RAG1: variants seen among roughly 807,000 people sequenced by gnomAD.
The protein encoded by RAG1 is recombination activating 1, also known as V(D)J recombination-activating protein 1.
A neutral mutation model predicts 62.7 loss-of-function variants in RAG1; 35 were observed. The observed-to-expected ratio is 0.56, with a 90% CI of 0.43 to 0.74. RAG1 has a LOEUF of 0.74. Among genes scored for constraint, RAG1 ranks in the 30% least tolerant of loss-of-function variants. The pLI is 0.00. For synonymous variants in RAG1, 461 were observed against 470.3 expected (o/e 0.98, Z 0.26); for missense variants, 1,169 against 1,278.6 (o/e 0.91, Z 1.31).
Position 36,575,945 on chromosome 11 carries a change from G to A in RAG1, c.2641G>A (p.Ala881Thr). Residue 881 changes from alanine to threonine, a missense_variant, in exon 2 of 2, where the codon GCT becomes ACT. By Grantham distance (58) the Ala-to-Thr change is moderately conservative. Around this residue, in one of 2 missense-constraint regions of RAG1, gnomAD observed 800 missense variants for 943.3 expected, o/e 0.85. Coordinates refer to ENST00000299440, the MANE Select transcript of RAG1 (RefSeq NM_000448.3). This position sits in a 1 kb window ranked among gnomAD's most constrained non-coding sequence, Gnocchi z 4.1. ...AATTCCTTCCGAGGAGAGGCACGAG[G>A]CTCTGAGGGAGCTGATGGATCTTTA... ...ELIPSEERHE[A>T]LRELMDLYLK... 3 of 1,614,158 alleles carry A rather than the reference G, an allele frequency of 1.9e-6. No individual in the cohort carries two copies. Among genetic ancestry groups the A allele is most frequent in the African/African-American group, 1.3e-5 (1 of 75,048 alleles).
At chr11:36,568,506 C>T (rs1850691333) in intron 1 of RAG1, among the ~76,000 whole-genome samples, 1 of 152,060 alleles carries the variant, frequency 6.6e-6, no homozygotes, top group African/African-American at 2.4e-5. Context: ...TGTATGGTTT[C>T]CCAGGTATTA....
At chr11:36,541,334 G>T (rs972239729) in intron 3 of RAG1, among the ~76,000 whole-genome samples, 1 of 152,160 alleles carries the variant, frequency 6.6e-6, no homozygotes, top group Admixed American at 6.5e-5. Flanking sequence ...ATATTCTTTG[G>T]TGCTTCACAA....
chr11:36,573,459 C>T lies in RAG1; in HGVS notation c.155C>T (p.Ser52Phe), dbSNP rs1486819488. The T allele has an allele frequency of 6.2e-7, 1 of 1,614,150 alleles. No individual in the cohort carries two copies. The highest frequency in any genetic ancestry group is 8.5e-7 in the Non-Finnish European group (1 of 1,180,020). The change falls in exon 2 of 2, where the codon TCC (serine) becomes TTC (phenylalanine). Residue 52 changes from serine to phenylalanine, a missense_variant. Around this residue, in one of 2 missense-constraint regions of RAG1, gnomAD observed 369 missense variants for 335.3 expected, o/e 1.10. Transcript: ENST00000299440. ...PEEAQKEKKD[S>F]FEGKPSLEQS... ...GAAGCTCAAAAGGAAAAGAAGGATT[C>T]CTTTGAGGGGAAACCCTCTCTGGAG...
chr11:36,533,360 C>T (rs1262734639), intron 2 of RAG1, among the ~76,000 whole-genome samples: 1 of 152,162 alleles, frequency 6.6e-6, no homozygotes, highest in Non-Finnish European at 1.5e-5. Context: ...TGTTGCCCAT[C>T]TGTAAGTAAT....
downstream of RAG1, among the ~76,000 whole-genome samples, chr11:36,540,135 A>T (rs1341276752): frequency 2.0e-5 from 3 of 152,168 alleles, no homozygotes. Flanking sequence ...TACCTAACTA[A>T]AACAGAGTCG....
chr11:36,530,545 G>A (rs1020296082), intron 2 of RAG1, among the ~76,000 whole-genome samples: 8 of 151,784 alleles, frequency 5.3e-5, no homozygotes, highest in African/African-American at 1.9e-4. Flanking sequence ...TCAGTCTAAT[G>A]TATTTTTAAA....
chr11:36,574,558 C>A lies in RAG1; in HGVS notation c.1254C>A (p.Val418=). The part of the protein sequence containing the change: ...KHRLRELKLQ[V]KAFADKEEGG... Reference sequence around the variant, plus strand: ...GGCTGAGGGAGCTCAAGCTGCAAGTCAAAGCCTTTGCTGACAAAGAAGAAG... The same window carrying A: ...GGCTGAGGGAGCTCAAGCTGCAAGTAAAAGCCTTTGCTGACAAAGAAGAAG... Residue 418 remains valine (V), a synonymous_variant, in exon 2 of 2, where the codon GTC becomes GTA. Coordinates refer to ENST00000299440, the MANE Select transcript of RAG1 (RefSeq NM_000448.3). 1.2e-6 allele frequency: 2 copies of A among 1,614,218 alleles called. No homozygotes were observed. Among genetic ancestry groups the A allele is most frequent in the Non-Finnish European group, 1.7e-6 (2 of 1,180,046 alleles).
Position 36,576,194 on chromosome 11 carries a change from A to T in RAG1, c.2890A>T (p.Asn964Tyr). 1 of 1,614,174 alleles carries T rather than the reference A, an allele frequency of 6.2e-7. No homozygotes were observed. Among genetic ancestry groups the T allele is most frequent in the Non-Finnish European group, 8.5e-7 (1 of 1,180,044 alleles). The change falls in exon 2 of 2, where the codon AAT becomes TAT. Residue 964 changes from asparagine to tyrosine, a missense_variant. Transcript: ENST00000299440. ...GSIGAWASEGNESGNKLFRRF... is the reference protein window; with the variant it reads ...GSIGAWASEGYESGNKLFRRF... ...CATTGGGGCATGGGCAAGTGAGGGAAATGAGTCTGGTAACAAACTGTTTAG... is the reference window on the plus strand; with the variant it reads ...CATTGGGGCATGGGCAAGTGAGGGATATGAGTCTGGTAACAAACTGTTTAG...
Position 36,574,029 on chromosome 11 carries a change from A to G in RAG1, c.725A>G (p.Gln242Arg), listed in dbSNP as rs76897604. ...AAAAAACTCAAAACTGTGCTTGACC[A>G]AGCAAGACAAGCCCGTCAGCACAAG... ...LSKKLKTVLD[Q>R]ARQARQHKRR... is the part of the protein sequence containing the mutation. Residue 242 changes from glutamine to arginine, a missense_variant, in exon 2 of 2, where the codon CAA (glutamine) becomes CGA (arginine). Around this residue, in one of 2 missense-constraint regions of RAG1, gnomAD observed 369 missense variants for 335.3 expected, o/e 1.10. Transcript: ENST00000299440. 4,262 of 1,614,174 alleles carry G rather than the reference A, an allele frequency of 2.6e-3. 8 individuals are homozygous for G. Among genetic ancestry groups the G allele is most frequent in the Non-Finnish European group, 3.2e-3 (3,815 of 1,180,032 alleles).
Position 36,576,027 on chromosome 11 carries a change from C to A in RAG1, c.2723C>A (p.Ser908Tyr). 1 of 1,614,136 alleles carries A rather than the reference C, an allele frequency of 6.2e-7. No homozygotes were observed. ...TGCCCTGCTAAAGAGTGCCCAGAAT[C>A]CCTCTGCCAGTACAGTTTCAATTCA... is the stretch of plus-strand genomic sequence containing the variant. Reference protein sequence around the residue: ...SSCPAKECPESLCQYSFNSQR... With the variant: ...SSCPAKECPEYLCQYSFNSQR... The change falls in exon 2 of 2, where the codon TCC becomes TAC. Residue 908 changes from serine to tyrosine, a missense_variant. Transcript: ENST00000299440.
chr11:36,517,717 T>C (rs901175544), intron 1 of RAG1, among the ~76,000 whole-genome samples: 4 of 152,348 alleles, frequency 2.6e-5, no homozygotes, highest in South Asian at 2.1e-4. Flanking sequence ...ACTTGCAGAA[T>C]GCATCCACCA....
At chr11:36,535,244 T>C (rs1860309690) in intron 2 of RAG1, among the ~76,000 whole-genome samples, 1 of 152,098 alleles carries the variant, frequency 6.6e-6, no homozygotes, top group African/African-American at 2.4e-5. Context: ...GTCTATCATG[T>C]GATCAATTTT....
Position 36,576,416 on chromosome 11 carries a change from C to G in RAG1, c.3112C>G (p.Gln1038Glu). ...PLGIEDSLES[Q>E]DSMEF Reference sequence around the variant, plus strand: ...AGGCATAGAGGACTCTCTGGAAAGCCAAGATTCAATGGAATTTTAAGTAGG... The same window carrying G: ...AGGCATAGAGGACTCTCTGGAAAGCGAAGATTCAATGGAATTTTAAGTAGG... The change falls in exon 2 of 2, where the codon CAA (glutamine) becomes GAA (glutamate). Residue 1038 changes from glutamine to glutamate, a missense_variant. This residue lies in a region of RAG1 where 800 missense variants were observed against 943.3 expected (regional missense o/e 0.85). Coordinates refer to ENST00000299440, the MANE Select transcript of RAG1 (RefSeq NM_000448.3). 6.2e-7 allele frequency: 1 copy of G among 1,614,096 alleles called. No homozygotes were observed. The highest frequency in any genetic ancestry group is 8.5e-7 in the Non-Finnish European group (1 of 1,180,016).
chr11:36,536,117 T>C (rs1860323072), downstream of RAG1: 1 of 152,152 alleles, frequency 6.6e-6, no homozygotes, highest in Admixed American at 6.6e-5. Flanking sequence ...TATAAATGGA[T>C]GGAAGTCACC....
chr11:36,511,810 G>A (rs1288077212), intron 1 of RAG1, among the ~76,000 whole-genome samples: 1 of 152,156 alleles, frequency 6.6e-6, no homozygotes, highest in Non-Finnish European at 1.5e-5. Context: ...TGGAGAAAAG[G>A]AAGAGCAAGA....
intron 1 of RAG1, among the ~76,000 whole-genome samples, chr11:36,511,594 G>T (rs1859923786): frequency 6.6e-6 from 1 of 152,098 alleles, no homozygotes; most frequent in South Asian, 2.1e-4. Context: ...ATTTATCACT[G>T]GTTCTCAGGT....
chr11:36,572,174 C>G (rs1342307043), intron 1 of RAG1, among the ~76,000 whole-genome samples: 1 of 152,092 alleles, frequency 6.6e-6, no homozygotes, highest in Non-Finnish European at 1.5e-5. Context: ...ACTGGTGGGT[C>G]AAAAGAATTA....
At position 36,575,007 on chromosome 11, in the gene RAG1, C is replaced by G; in HGVS notation, c.1703C>G (p.Ser568Cys). Residue 568 changes from serine (S) to cysteine (C), a missense_variant, in exon 2 of 2, where the codon TCT becomes TGT. Physicochemically the swap from Ser to Cys is moderately radical, Grantham distance 112 (BLOSUM62 -1). Coordinates refer to ENST00000299440, the MANE Select transcript of RAG1 (RefSeq NM_000448.3). The surrounding 1 kb of genome is among the most constrained non-coding windows in gnomAD (Gnocchi z 4.1). ...TTCCGCTATGATTCAGCTTTGGTGT[C>G]TGCTTTGATGGACATGGAAGAAGAC... ...KRFRYDSALV[S>C]ALMDMEEDIL... 1 of 1,614,078 alleles carries G rather than the reference C, an allele frequency of 6.2e-7. No individual in the cohort carries two copies. Among genetic ancestry groups the G allele is most frequent in the Non-Finnish European group, 8.5e-7 (1 of 1,180,028 alleles).
chr11:36,567,998 A>G (rs1171481438), upstream of RAG1: 1 of 152,278 alleles, frequency 6.6e-6, no homozygotes, highest in Non-Finnish European at 1.5e-5. Flanking sequence ...GCTCAGCAGC[A>G]TGTTCTGAGA....
Sources: allele counts gnomAD v4.1 joint callset (sites outside exome capture counted in the v4.1 genomes callset), GRCh38; gene constraint gnomAD v4.1.1; regional missense constraint gnomAD v4.1.1; non-coding constraint Gnocchi (gnomAD v3.1); transcripts MANE v1.5; gene names NCBI Gene and HGNC (gene_info 2026-07-23, HGNC 2026-07-21).